The following KLHL33 variants were observed in gnomAD, a reference collection of about 807,000 sequenced individuals.
KLHL33 encodes kelch-like protein 33.
Under a neutral mutation model 60.8 loss-of-function variants are expected in KLHL33, and 46 were observed. That is an observed-to-expected ratio of 0.76 (90% confidence interval 0.60 to 0.97). The LOEUF is 0.97. KLHL33 is among the 50% of genes least tolerant of loss of function. The pLI is 0.00. For missense variants in KLHL33, 1,055 were observed against 1,000.0 expected, an observed-to-expected ratio of 1.05 and a Z score of -0.74; for synonymous variants, 434 against 432.2, an observed-to-expected ratio of 1.00 and a Z score of -0.05.
At position 20,430,329 on chromosome 14, in the gene KLHL33, G is replaced by T; in HGVS notation, c.1139C>A (p.Ala380Asp). 6.4e-7 allele frequency: 1 copy of T among 1,551,908 alleles called. No individual in the cohort carries two copies. The highest frequency in any genetic ancestry group is 1.2e-5 in the South Asian group (1 of 84,064). ...ALCPAFPSLP[A>D]ACLAELLDSD... ...ATCCAGGAGCTCAGCCAAGCAGGCA[G>T]CTGGTAAAGAAGGGAAAGCAGGACA... The change falls in exon 3 of 5, where the codon GCT becomes GAT. Residue 380 changes from alanine to aspartate, a missense_variant. By Grantham distance (126) the Ala-to-Asp change is moderately radical. Transcript: ENST00000636854.
At chr14:20,432,988 G>GAAAGAAAGAAAGAAAGAAAGAA (rs1566501950) in intron 2 of KLHL33, among the ~76,000 whole-genome samples, 1 of 60,218 alleles carries the variant, frequency 1.7e-5, no homozygotes, top group East Asian at 6.1e-4. Context: ...GAAAGAAAGA[G>GAAAGAAAGAAAGAAAGAAAGAA]AGAAATTACT....
chr14:20,430,773 G>A (rs953340243), intron 2 of KLHL33, 54 bp from the exon 3 acceptor site: 4 of 1,301,672 alleles, frequency 3.1e-6, no homozygotes, highest in Non-Finnish European at 4.1e-6. Flanking sequence ...AAGACCGATA[G>A]GCATTACCCC....
chr14:20,432,254 A>G (rs939394723), intron 2 of KLHL33, among the ~76,000 whole-genome samples: 2 of 151,900 alleles, frequency 1.3e-5, no homozygotes, highest in African/African-American at 2.4e-5. Context: ...AGCTGGGACT[A>G]CAGGTGCACG....
chr14:20,428,661 GTT>G lies in KLHL33; in HGVS notation c.*186_*187del. Reference sequence around the variant, plus strand: ...TCAGCTGCCTCCCCTTTCCCTATATGTTTTCCCTAGGAGTTCTGGAACCACCA... The same window carrying G: ...TCAGCTGCCTCCCCTTTCCCTATATGTTCCCTAGGAGTTCTGGAACCACCA... On this transcript the variant is annotated 3_prime_UTR_variant, in exon 5 of 5. Coordinates refer to ENST00000636854, the MANE Select transcript of KLHL33 (RefSeq NM_001365790.2). The G allele has an allele frequency of 1.6e-6, 1 of 607,402 alleles. No homozygotes were observed. Among genetic ancestry groups the G allele is most frequent in the Non-Finnish European group, 2.9e-6 (1 of 350,632 alleles). 37.6% of individuals were successfully genotyped at this position (607,402 alleles called of 1,614,324 possible). A position where few individuals can be genotyped will look rare whatever the true frequency, so the allele number is the denominator to read the frequency against.
Position 20,428,609 on chromosome 14 carries a change from C to T in KLHL33, c.*240G>A. ...ATCCCTAAGCCTTGTGGAGTTGCTC[C>T]CGAGTCTCCTTTCCTCACCTGGGTA... On this transcript the variant is annotated 3_prime_UTR_variant, in exon 5 of 5. Coordinates refer to ENST00000636854, the MANE Select transcript of KLHL33 (RefSeq NM_001365790.2). 1 of 502,102 alleles carries T rather than the reference C, an allele frequency of 2.0e-6. No homozygotes were observed. The highest frequency in any genetic ancestry group is 3.5e-6 in the Non-Finnish European group (1 of 281,900). The allele number at this position is 502,102 out of a possible 1,614,324, so 31.1% of individuals were successfully genotyped here.
At chr14:20,432,962 G>GAAAT (rs1555330520) in intron 2 of KLHL33, among the ~76,000 whole-genome samples, 2 of 151,262 alleles carry the variant, frequency 1.3e-5, no homozygotes, top group East Asian at 1.9e-4. Context: ...AAGAAAGAAA[G>GAAAT]AAAGAAAGAA....
rs372747847 is a variant in KLHL33, at chr14:20,429,612, G to T, written c.1731C>A (p.Ser577Arg). 6.4e-7 allele frequency: 1 copy of T among 1,551,892 alleles called. No individual in the cohort carries two copies. Among genetic ancestry groups the T allele is most frequent in the Non-Finnish European group, 8.7e-7 (1 of 1,147,038 alleles). Residue 577 changes from serine (S) to arginine (R), a missense_variant, in exon 4 of 5, where the codon AGC (serine) becomes AGA (arginine). By Grantham distance (110) the Ser-to-Arg change is moderately radical. Transcript: ENST00000636854. ...CATCCAGTGCCACCAAGGAGAAAAG[G>T]CTTCGAGCCTGGGACAAAGGAGCCA... ...EEMAPLSQAR[S>R]LFSLVALDGK...
At position 20,429,342 on chromosome 14, in the gene KLHL33, T is replaced by C. The variant is rs1362502935; in HGVS notation, c.1901A>G (p.Gln634Arg). Residue 634 changes from glutamine to arginine, a missense_variant, in exon 5 of 5, where the codon CAG becomes CGG. By Grantham distance (43) the Gln-to-Arg change is conservative. Coordinates refer to ENST00000636854, the MANE Select transcript of KLHL33 (RefSeq NM_001365790.2). ...ACCACAGCCACCGCTCACGTACAACTGGCCCTCCAAAATCGCAGCTGCGTG... is the reference window on the plus strand; with the variant it reads ...ACCACAGCCACCGCTCACGTACAACCGGCCCTCCAAAATCGCAGCTGCGTG... ...FAHAAAILEG[Q>R]LYVSGGCGGT... 6.4e-7 allele frequency: 1 copy of C among 1,551,612 alleles called. No individual in the cohort carries two copies. The highest frequency in any genetic ancestry group is 8.7e-7 in the Non-Finnish European group (1 of 1,147,006).
At chr14:20,433,447 G>A (rs922450927) in intron 2 of KLHL33, among the ~76,000 whole-genome samples, 3 of 152,188 alleles carry the variant, frequency 2.0e-5, no homozygotes, top group East Asian at 1.9e-4. Context: ...GTAGGTAGTG[G>A]CCTGGTGCTT....
intron 2 of KLHL33, among the ~76,000 whole-genome samples, chr14:20,433,227 G>C (rs1271323787): frequency 6.6e-6 from 1 of 152,140 alleles, no homozygotes; most frequent in Non-Finnish European, 1.5e-5. Context: ...TGGGTGATGG[G>C]TGTTGTTTGA....
chr14:20,432,926 A>AAAAGAAAG (rs59220485), intron 2 of KLHL33, among the ~76,000 whole-genome samples: 22,559 of 104,492 alleles, frequency 0.22, 2,873 homozygotes, highest in East Asian at 0.24. Context: ...CATCTCAAAA[A>AAAAGAAAG]AAAGAAAGAA....
Position 20,435,630 on chromosome 14 carries a change from ACCAGGGGCCTGGAACCAGGCTCCT to A in KLHL33, c.158_181del (p.Glu53_Leu60del). 1 of 1,234,436 alleles carries A rather than the reference ACCAGGGGCCTGGAACCAGGCTCCT, an allele frequency of 8.1e-7. No individual in the cohort carries two copies. The highest frequency in any genetic ancestry group is 1.0e-6 in the Non-Finnish European group (1 of 988,242). 76.5% of individuals were successfully genotyped at this position (1,234,436 alleles called of 1,614,324 possible). A position where few individuals can be genotyped will look rare whatever the true frequency, so the allele number is the denominator to read the frequency against. Reference sequence around the variant, plus strand: ...GGCTGGAAAGGGAAGGTTCCTTGGGACCAGGGGCCTGGAACCAGGCTCCTCCAGAGGAAAGGAAGGCAATCTGGG... The same window carrying A: ...GGCTGGAAAGGGAAGGTTCCTTGGGACCAGAGGAAAGGAAGGCAATCTGGG... On this transcript the variant is annotated inframe_deletion, in exon 2 of 5. Coordinates refer to ENST00000636854, the MANE Select transcript of KLHL33 (RefSeq NM_001365790.2).
At chr14:20,429,728 G>A (rs1880427807) in intron 3 of KLHL33, 59 bp from the exon 4 acceptor site, 2 of 1,530,104 alleles carry the variant, frequency 1.3e-6, no homozygotes, top group Non-Finnish European at 8.8e-7. Flanking sequence ...GGTTGGCTAG[G>A]CCAGCAATTT....
Position 20,426,700 on chromosome 14 carries a change from A to G in KLHL33, c.*2149T>C, listed in dbSNP as rs1880285345. ...TTACTGGGTATATGCCCAAAGGAAT[A>G]TAAATCATGCCGCTATAAAGACACA... On this transcript the variant is annotated 3_prime_UTR_variant, in exon 5 of 5. Transcript: ENST00000636854. 6.6e-6 allele frequency: 1 copy of G among 152,184 alleles called. No individual in the cohort carries two copies. The highest frequency in any genetic ancestry group is 1.5e-5 in the Non-Finnish European group (1 of 68,040). The allele number at this position is 152,184 out of a possible 1,614,324, so 9.4% of individuals were successfully genotyped here. A position where few individuals can be genotyped will look rare whatever the true frequency, so the allele number is the denominator to read the frequency against.
intron 2 of KLHL33, among the ~76,000 whole-genome samples, chr14:20,433,403 G>A (rs1880584601): frequency 6.6e-6 from 1 of 152,232 alleles, no homozygotes; most frequent in African/African-American, 2.4e-5. Flanking sequence ...AAGGGCAGGT[G>A]TTGTTCATAT....
rs1317787475 is a variant in KLHL33 at position 20,430,444 on chromosome 14, G to A, written c.1024C>T (p.Leu342=). The A allele has an allele frequency of 1.9e-6, 3 of 1,551,670 alleles. No individual in the cohort carries two copies. Among genetic ancestry groups the A allele is most frequent in the South Asian group, 2.4e-5 (2 of 84,064 alleles). Residue 342 remains leucine, a synonymous_variant, in exon 3 of 5, where the codon CTG becomes TTG. Coordinates refer to ENST00000636854, the MANE Select transcript of KLHL33 (RefSeq NM_001365790.2). ...RGLSPARCLA[L]FPMAEAPGLE... is the part of the protein sequence containing the mutation. The stretch of plus-strand genomic sequence containing the variant: ...CCAGGGGCTTCCGCCATGGGGAACA[G>A]GGCCAGGCAACGGGCAGGGCTGAGG...
chr14:20,429,606 G>A lies in KLHL33; in HGVS notation c.1737C>T (p.Phe579=), dbSNP rs1191583598. Residue 579 remains phenylalanine (F), a synonymous_variant, in exon 4 of 5, where the codon TTC becomes TTT. Transcript: ENST00000636854. ...MAPLSQARSL[F]SLVALDGKLY... is the part of the protein sequence containing the mutation. ...GTTTTCCATCCAGTGCCACCAAGGA[G>A]AAAAGGCTTCGAGCCTGGGACAAAG... 2.6e-6 allele frequency: 4 copies of A among 1,551,910 alleles called. No individual in the cohort carries two copies. Among genetic ancestry groups the A allele is most frequent in the Non-Finnish European group, 3.5e-6 (4 of 1,147,092 alleles).
At position 20,430,674 on chromosome 14, in the gene KLHL33, A is replaced by G. The variant is rs1048674909; in HGVS notation, c.794T>C (p.Met265Thr). The G allele has an allele frequency of 5.2e-6, 8 of 1,533,584 alleles. No homozygotes were observed. The African/African-American group carries it at 8.2e-5, about 16-fold the overall frequency. 95.0% of individuals were successfully genotyped at this position (1,533,584 alleles called of 1,614,324 possible). A position where few individuals can be genotyped will look rare whatever the true frequency, so the allele number is the denominator to read the frequency against. ...LACGSEFFGA[M>T]LLSGMRESQG... is the part of the protein sequence containing the mutation. ...GGATTCCCTCATCCCGCTCAGGAGC[A>G]TGGCCCCAAAGAACTCACTGCCACA... Residue 265 changes from methionine (M) to threonine (T), a missense_variant, in exon 3 of 5, where the codon ATG (methionine) becomes ACG (threonine). By Grantham distance (81) the Met-to-Thr change is moderately conservative (BLOSUM62 -1). Coordinates refer to ENST00000636854, the MANE Select transcript of KLHL33 (RefSeq NM_001365790.2).
At position 20,429,853 on chromosome 14, in the gene KLHL33, A is replaced by T; in HGVS notation, c.1615T>A (p.Tyr539Asn). Residue 539 changes from tyrosine (Y) to asparagine (N), a missense_variant, in exon 3 of 5, where the codon TAT becomes AAT. Physicochemically the swap from Tyr to Asn is moderately radical, Grantham distance 143. Transcript: ENST00000636854. Reference sequence around the variant, plus strand: ...TAGAAATCTTGTCCCCCACACACATAGAGTTCACTTCCTGCCAGGCTTGCA... The same window carrying T: ...TAGAAATCTTGTCCCCCACACACATTGAGTTCACTTCCTGCCAGGCTTGCA... ...GAASLAGSEL[Y>N]VCGGQDFYSH... 6.4e-7 allele frequency: 1 copy of T among 1,551,648 alleles called. No homozygotes were observed. The highest frequency in any genetic ancestry group is 2.4e-5 in the East Asian group (1 of 40,920).
Sources: gnomAD v4.1 joint callset for allele counts (sites outside exome capture counted in the v4.1 genomes callset) on GRCh38, gnomAD v4.1.1 for gene constraint, MANE v1.5 for transcripts, NCBI Gene and HGNC (gene_info 2026-07-23, HGNC 2026-07-21) for gene names.